The following CRAMP1 variants were observed in gnomAD, a reference collection of about 807,000 sequenced individuals.
The protein encoded by CRAMP1 is protein cramped-like.
In CRAMP1, 50 loss-of-function variants were observed where a neutral mutation model predicts 115.4. That is an observed-to-expected ratio of 0.43 (90% CI 0.35 to 0.55). The LOEUF is 0.55. CRAMP1 is among the 20% of genes least tolerant of loss of function. The pLI is 0.01. For synonymous variants in CRAMP1, 866 were observed against 745.4 expected, an observed-to-expected ratio of 1.16 and a Z score of -2.64; for missense variants, 1,679 against 1,721.7, an observed-to-expected ratio of 0.98 and a Z score of 0.44.
intron 8 of CRAMP1, among the ~76,000 whole-genome samples, chr16:1,654,634 A>G (rs1200084284): frequency 6.6e-6 from 1 of 152,152 alleles, no homozygotes; most frequent in Non-Finnish European, 1.5e-5. Context: ...TGTGCACCTC[A>G]GCACTCACTC....
rs527343038 is a variant in CRAMP1 at position 1,653,474 on chromosome 16, C to T, written c.1037+318C>T. Among the ~76,000 whole-genome samples the T allele has an allele frequency of 5.9e-5, 9 of 152,318 alleles. No individual in the cohort carries two copies. In the East Asian group the frequency reaches 1.5e-3, roughly 26 times the overall value. On this transcript the variant is annotated intron_variant, in intron 8 of 20. Transcript: ENST00000397412. Reference sequence around the variant, plus strand: ...CTCTCCCACCCGCTTCTTGGAGACTCGTGGCTCGCATATGCACAAGGCGCC... The same window carrying T: ...CTCTCCCACCCGCTTCTTGGAGACTTGTGGCTCGCATATGCACAAGGCGCC...
chr16:1,623,654 G>A (rs746715903), intron 2 of CRAMP1, among the ~76,000 whole-genome samples: 1 of 152,240 alleles, frequency 6.6e-6, no homozygotes, highest in Non-Finnish European at 1.5e-5. Context: ...AGCCTTTGTT[G>A]TGGGTGGTGC....
At chr16:1,665,847 T>C in intron 14 of CRAMP1, 1 of 551,602 alleles carries the variant, frequency 1.8e-6, no homozygotes, top group South Asian at 2.3e-5. Context: ...AGCCTTCCAG[T>C]AGCTCCTGGG....
intron 2 of CRAMP1, chr16:1,620,700 T>C: frequency 2.2e-6 from 1 of 456,496 alleles, no homozygotes; most frequent in South Asian, 1.5e-5. Flanking sequence ...CGGTGAGTCA[T>C]TTAACTTCTC....
Position 1,662,846 on chromosome 16 carries a change from T to C in CRAMP1, c.2670+11T>C. On this transcript the variant is annotated intron_variant, in intron 13 of 20. Coordinates refer to ENST00000397412, the MANE Select transcript of CRAMP1 (RefSeq NM_020825.4). The stretch of plus-strand genomic sequence containing the variant: ...CCACTGGTGGTCCAGGTCAGGGTCT[T>C]CTCAAGTCTGAACGTGTGGCCTCGT... The C allele has an allele frequency of 6.2e-7, 1 of 1,612,388 alleles. No individual in the cohort carries two copies. Among genetic ancestry groups the C allele is most frequent in the Non-Finnish European group, 8.5e-7 (1 of 1,178,870 alleles).
At chr16:1,621,227 A>T (rs2036463131) in intron 2 of CRAMP1, among the ~76,000 whole-genome samples, 1 of 152,182 alleles carries the variant, frequency 6.6e-6, no homozygotes, top group South Asian at 2.1e-4. Context: ...AACCCAGGAC[A>T]TGTGATGGGG....
chr16:1,650,666 A>G (rs1567456059), intron 6 of CRAMP1, among the ~76,000 whole-genome samples: 1 of 152,228 alleles, frequency 6.6e-6, no homozygotes, highest in Non-Finnish European at 1.5e-5. Context: ...GTAATTTTTT[A>G]CGCATCCTTA....
At chr16:1,653,596 A>G (rs2036742639) in intron 8 of CRAMP1, among the ~76,000 whole-genome samples, 1 of 152,118 alleles carries the variant, frequency 6.6e-6, no homozygotes, top group South Asian at 2.1e-4. Context: ...TTGGGAGGCC[A>G]GGGCGGGTGG....
intron 4 of CRAMP1, among the ~76,000 whole-genome samples, chr16:1,635,361 G>C (rs573999165): frequency 6.6e-6 from 1 of 152,320 alleles, no homozygotes; most frequent in Admixed American, 6.5e-5. Flanking sequence ...CTAATCTCCC[G>C]TGGTTTCCAT....
At chr16:1,635,736 G>A (rs1447113105) in intron 4 of CRAMP1, among the ~76,000 whole-genome samples, 2 of 152,202 alleles carry the variant, frequency 1.3e-5, no homozygotes, top group Non-Finnish European at 2.9e-5. Context: ...GGTTCTTAAT[G>A]TACTTACAAG....
chr16:1,631,568 A>G (rs988494975), intron 3 of CRAMP1, among the ~76,000 whole-genome samples: 2 of 152,174 alleles, frequency 1.3e-5, no homozygotes, highest in African/African-American at 4.8e-5. Context: ...CTTTGATGAG[A>G]TGATCGAACA....
chr16:1,659,684 G>T lies in CRAMP1; in HGVS notation c.2236-202G>T, dbSNP rs563229804. Among the ~76,000 whole-genome samples, 5 of 152,350 alleles carry T rather than the reference G, an allele frequency of 3.3e-5. 1 individual carries two copies. The South Asian group carries it at 1.0e-3, about 32-fold the overall frequency. On this transcript the variant is annotated intron_variant, in intron 10 of 20. Transcript: ENST00000397412. ...TTACAGGCGTGAGCCACCGCACCTG[G>T]CCGACCAGTAACTTTTAAAACTGGC...
In CRAMP1 at chr16:1,655,256, A is replaced by G; in HGVS notation, c.1075A>G (p.Ile359Val). 6.2e-7 allele frequency: 1 copy of G among 1,614,000 alleles called. No homozygotes were observed. Among genetic ancestry groups the G allele is most frequent in the South Asian group, 1.1e-5 (1 of 91,090 alleles). ...GCTACATCGAAAGGTCTCCAGCCTC[A>G]TCGAATTCTTGAAGCAGAAGTGGGC... is the stretch of plus-strand genomic sequence containing the variant. ...VELHRKVSSL[I>V]EFLKQKWALH... Residue 359 changes from isoleucine (I) to valine (V), a missense_variant, in exon 9 of 21, where the codon ATC becomes GTC. Coordinates refer to ENST00000397412, the MANE Select transcript of CRAMP1 (RefSeq NM_020825.4).
intron 13 of CRAMP1, among the ~76,000 whole-genome samples, chr16:1,664,417 C>T (rs924194050): frequency 8.5e-5 from 13 of 152,168 alleles, no homozygotes; most frequent in African/African-American, 2.9e-4. Flanking sequence ...AAGTCCATGT[C>T]CAGTGGTTAT....
intron 4 of CRAMP1, among the ~76,000 whole-genome samples, chr16:1,632,802 C>A (rs549683902): frequency 6.6e-6 from 1 of 152,212 alleles, no homozygotes; most frequent in Non-Finnish European, 1.5e-5. Context: ...TACACTGGGA[C>A]CCAGGTCTGC....
intron 6 of CRAMP1, among the ~76,000 whole-genome samples, chr16:1,646,732 T>C (rs1021595721): frequency 2.6e-5 from 4 of 152,246 alleles, no homozygotes; most frequent in Non-Finnish European, 5.9e-5. Context: ...AAGAACTCTT[T>C]GCCTAACCCA....
chr16:1,614,713 AG>A lies in CRAMP1; in HGVS notation c.76del (p.Glu26SerfsTer121). The A allele has an allele frequency of 7.4e-7, 1 of 1,346,788 alleles. No homozygotes were observed. Among genetic ancestry groups the A allele is most frequent in the Admixed American group, 2.9e-5 (1 of 34,132 alleles). 83.4% of individuals were successfully genotyped at this position (1,346,788 alleles called of 1,614,324 possible). On this transcript the variant is annotated frameshift_variant, in exon 2 of 21. Coordinates refer to ENST00000397412, the MANE Select transcript of CRAMP1 (RefSeq NM_020825.4). LOFTEE classifies it high-confidence loss of function. This position sits in a 1 kb window ranked among gnomAD's most constrained non-coding sequence, Gnocchi z 4.4. ...AAGCTGGGCAAGCGGGCGGCCGATGAGGAGTCCCTGGAAGGAGAAGGGGCCG... is the reference window on the plus strand; with the variant it reads ...AAGCTGGGCAAGCGGGCGGCCGATGAGAGTCCCTGGAAGGAGAAGGGGCCG... ...LKKLGKRAAD[E>X]ESLEGEGAGG...
At chr16:1,619,997 G>A (rs1463676811) in intron 2 of CRAMP1, among the ~76,000 whole-genome samples, 1 of 152,156 alleles carries the variant, frequency 6.6e-6, no homozygotes, top group African/African-American at 2.4e-5. Flanking sequence ...AGGATGGAGC[G>A]ACACCACTGC....
At position 1,669,725 on chromosome 16, in the gene CRAMP1, C is replaced by G. The variant is rs374520191; in HGVS notation, c.3499+560C>G. Among the ~76,000 whole-genome samples the G allele has an allele frequency of 6.6e-6, 1 of 152,190 alleles. No individual in the cohort carries two copies. The highest frequency in any genetic ancestry group is 2.4e-5 in the African/African-American group (1 of 41,448). On this transcript the variant is annotated intron_variant, in intron 19 of 20. Transcript: ENST00000397412. The surrounding 1 kb of genome is among the most constrained non-coding windows in gnomAD (Gnocchi z 4.6). ...AGGGGGTGTATCAGGGAAAGGCACA[C>G]CCTGCTGCTGTTGCCTGCCCAGAGA...
Sources: allele counts gnomAD v4.1 joint callset (sites outside exome capture counted in the v4.1 genomes callset), GRCh38; gene constraint gnomAD v4.1.1; non-coding constraint Gnocchi (gnomAD v3.1); transcripts MANE v1.5; gene names NCBI Gene and HGNC (gene_info 2026-07-23, HGNC 2026-07-21).